Variants in MCTP1 observed in about 807,000 individuals in gnomAD.
The protein encoded by MCTP1 is multiple C2 and transmembrane domain containing 1, also known as multiple C2 and transmembrane domain-containing protein 1.
A neutral mutation model predicts 120.6 loss-of-function variants in MCTP1; 69 were observed. That is an observed-to-expected ratio of 0.57 (90% CI 0.47 to 0.70). MCTP1 has a LOEUF of 0.70. Ranked by LOEUF, MCTP1 falls within the 30% of genes least tolerant of loss-of-function variation. MCTP1 has a pLI of 0.00. For synonymous variants in MCTP1, 529 were observed against 493.1 expected (o/e 1.07, Z -0.96); for missense variants, 1,203 against 1,248.8 (o/e 0.96, Z 0.55).
intron 17 of MCTP1, among the ~76,000 whole-genome samples, chr5:94,833,217 T>TA (rs142979716): frequency 0.011 from 1,665 of 152,258 alleles, 43 homozygotes; most frequent in African/African-American, 0.038. Flanking sequence ...TTTTTGGCAT[T>TA]ATGTTTTATT....
chr5:94,899,963 T>C (rs965080303), intron 10 of MCTP1, among the ~76,000 whole-genome samples: 1 of 152,148 alleles, frequency 6.6e-6, no homozygotes, highest in Non-Finnish European at 1.5e-5. Context: ...GCAAAAACCA[T>C]TGCTACAGTC....
At chr5:94,787,232 A>G (rs958791842) in intron 18 of MCTP1, among the ~76,000 whole-genome samples, 2 of 152,232 alleles carry the variant, frequency 1.3e-5, no homozygotes, top group African/African-American at 4.8e-5. Context: ...ATCTATGGAT[A>G]TGACCTGTAA....
intron 1 of MCTP1, among the ~76,000 whole-genome samples, chr5:95,178,006 G>A (rs2152509401): frequency 6.6e-6 from 1 of 152,288 alleles, no homozygotes; most frequent in South Asian, 2.1e-4. Flanking sequence ...GGAAACTCTT[G>A]ACTTTGGTCA....
chr5:95,213,548 A>G (rs1752659384), intron 1 of MCTP1, among the ~76,000 whole-genome samples: 1 of 152,080 alleles, frequency 6.6e-6, no homozygotes, highest in South Asian at 2.1e-4. Context: ...AAGAGCCTGC[A>G]TCGCCAAGTC....
chr5:94,950,888 AGTGAGCCGAGATCGTGCCACT>A (rs1373875063), intron 3 of MCTP1, among the ~76,000 whole-genome samples: 2 of 150,824 alleles, frequency 1.3e-5, no homozygotes, highest in Admixed American at 1.3e-4. Context: ...CGGAGCTTGC[AGTGAGCCGAGATCGTGCCACT>A]GCACTCCAGC....
intron 1 of MCTP1, chr5:95,081,593 A>G (rs1002657053): frequency 6.8e-7 from 1 of 1,473,802 alleles, no homozygotes; most frequent in East Asian, 2.5e-5. Context: ...TCCAAGTGAT[A>G]GCAACAGCCC....
intron 1 of MCTP1, among the ~76,000 whole-genome samples, chr5:95,126,894 T>C (rs747652145): frequency 4.6e-5 from 7 of 152,198 alleles, no homozygotes; most frequent in Non-Finnish European, 8.8e-5. Flanking sequence ...GCAAATCTAT[T>C]TTCCCTACTT....
intron 1 of MCTP1, among the ~76,000 whole-genome samples, chr5:95,050,016 T>C (rs1381082919): frequency 6.6e-6 from 1 of 152,086 alleles, no homozygotes; most frequent in African/African-American, 2.4e-5. Flanking sequence ...CCCCAGCTGA[T>C]GTGTTAGGTG....
intron 1 of MCTP1, among the ~76,000 whole-genome samples, chr5:95,229,683 G>T (rs957988127): frequency 2.6e-5 from 4 of 151,892 alleles, no homozygotes; most frequent in Admixed American, 2.6e-4. Context: ...GGAGGTTGCA[G>T]TGAGCTGAGA....
chr5:95,131,142 G>A (rs577456327), intron 1 of MCTP1, among the ~76,000 whole-genome samples: 4 of 152,220 alleles, frequency 2.6e-5, no homozygotes, highest in African/African-American at 9.6e-5. Context: ...TGGTAACAGA[G>A]CAACAAATAG....
At chr5:94,821,569 T>C (rs1246494506) in intron 17 of MCTP1, among the ~76,000 whole-genome samples, 1 of 152,212 alleles carries the variant, frequency 6.6e-6, no homozygotes, top group Non-Finnish European at 1.5e-5. Flanking sequence ...GTAATATATT[T>C]CCATTACTTC....
chr5:95,188,107 A>G (rs534558314), intron 1 of MCTP1, among the ~76,000 whole-genome samples: 1 of 152,348 alleles, frequency 6.6e-6, no homozygotes, highest in African/African-American at 2.4e-5. Context: ...AAGACATGGA[A>G]AAGATATTTT....
chr5:94,798,938 A>C (rs1485070688), intron 18 of MCTP1, 75 bp downstream of exon 18: 5 of 1,500,154 alleles, frequency 3.3e-6, no homozygotes, highest in Non-Finnish European at 4.5e-6. Flanking sequence ...TGTAAAGCCA[A>C]ATTCAATGTT....
rs572177874 is a variant in MCTP1, at chr5:95,025,361, C to A, written c.721-7877G>T. On this transcript the variant is annotated intron_variant, in intron 1 of 22. Coordinates refer to ENST00000515393, the MANE Select transcript of MCTP1 (RefSeq NM_024717.7). The stretch of plus-strand genomic sequence containing the variant: ...AAATGGAGTTGGAAAAACTATATAT[C>A]CACCTGCAGACAATGAAAAAAGCTC... Among the ~76,000 whole-genome samples, 455 of 152,208 alleles carry A rather than the reference C, an allele frequency of 3.0e-3. 2 individuals are homozygous for A. Among genetic ancestry groups the A allele is most frequent in the Non-Finnish European group, 4.8e-3 (329 of 68,000 alleles).
chr5:95,234,275 G>A (rs1755292349), intron 1 of MCTP1, among the ~76,000 whole-genome samples: 1 of 152,162 alleles, frequency 6.6e-6, no homozygotes, highest in Admixed American at 6.5e-5. Context: ...TATTTCAGAG[G>A]TTGTAAACAC....
intron 1 of MCTP1, among the ~76,000 whole-genome samples, chr5:95,199,007 T>G (rs1750703827): frequency 6.6e-6 from 1 of 152,208 alleles, no homozygotes; most frequent in Non-Finnish European, 1.5e-5. Flanking sequence ...ATTAAGATTT[T>G]TTTCTCTAGC....
intron 2 of MCTP1, among the ~76,000 whole-genome samples, chr5:94,974,194 A>G (rs1181034518): frequency 1.3e-5 from 2 of 152,170 alleles, no homozygotes; most frequent in Non-Finnish European, 2.9e-5. Context: ...TCATATGTGG[A>G]ATGATTTATT....
chr5:95,092,332 C>G (rs1023829070), intron 1 of MCTP1, among the ~76,000 whole-genome samples: 1 of 152,170 alleles, frequency 6.6e-6, no homozygotes, highest in African/African-American at 2.4e-5. Context: ...CCTCTCTAAA[C>G]AGCAAGTAAT....
chr5:94,941,165 G>A lies in MCTP1; in HGVS notation c.1062-970C>T, dbSNP rs537314917. On this transcript the variant is annotated intron_variant, in intron 4 of 22. Coordinates refer to ENST00000515393, the MANE Select transcript of MCTP1 (RefSeq NM_024717.7). ...AATTTATGCTTTGGGATTAAGTCTA[G>A]TCACTTGATATCCTTATGCAGAGGT... Among the ~76,000 whole-genome samples, 7 of 152,060 alleles carry A rather than the reference G, an allele frequency of 4.6e-5. No homozygotes were observed. The East Asian group carries it at 1.4e-3, about 30-fold the overall frequency.
Sources: allele counts gnomAD v4.1 joint callset (sites outside exome capture counted in the v4.1 genomes callset), GRCh38; gene constraint gnomAD v4.1.1; transcripts MANE v1.5; gene names NCBI Gene and HGNC (gene_info 2026-07-23, HGNC 2026-07-21).